Variants in SLC35F1 observed in about 807,000 individuals in gnomAD.
SLC35F1 encodes the protein chromosome 6 open reading frame 169.
Under a neutral mutation model 48.7 loss-of-function variants are expected in SLC35F1, and 14 were observed. The ratio of observed to expected loss-of-function variants is 0.29; its 90% CI spans 0.19 to 0.45. The LOEUF is 0.45. SLC35F1 is among the 20% of genes least tolerant of loss of function. The pLI is 1.00. For synonymous variants in SLC35F1, 190 were observed against 202.2 expected (o/e 0.94, Z 0.51); for missense variants, 404 against 500.0 (o/e 0.81, Z 1.83).
At chr6:118,251,289 G>A (rs1246001322) in intron 3 of SLC35F1, among the ~76,000 whole-genome samples, 1 of 152,054 alleles carries the variant, frequency 6.6e-6, no homozygotes, top group Non-Finnish European at 1.5e-5. Context: ...AATGGCTTCA[G>A]CATTGAGTTT....
chr6:118,207,628 A>T (rs1774952765), intron 2 of SLC35F1, among the ~76,000 whole-genome samples: 1 of 152,176 alleles, frequency 6.6e-6, no homozygotes, highest in Non-Finnish European at 1.5e-5. Flanking sequence ...CAGAAGAGGG[A>T]GGAAAGTTGA....
intron 1 of SLC35F1, among the ~76,000 whole-genome samples, chr6:118,109,955 T>C (rs951543845): frequency 2.6e-5 from 4 of 152,206 alleles, no homozygotes; most frequent in African/African-American, 9.6e-5. Flanking sequence ...GGAGACACTT[T>C]GGAAACACAG....
intron 7 of SLC35F1, among the ~76,000 whole-genome samples, chr6:118,297,758 TA>T (rs1562354929): frequency 7.1e-6 from 1 of 141,676 alleles, no homozygotes; most frequent in East Asian, 2.0e-4. Context: ...ATATATAATA[TA>T]TATATAATAT....
intron 1 of SLC35F1, among the ~76,000 whole-genome samples, chr6:118,047,134 G>T (rs545364989): frequency 2.0e-5 from 3 of 152,250 alleles, no homozygotes; most frequent in African/African-American, 7.2e-5. Context: ...ATGGATAAAA[G>T]AAAACTCTGT....
At chr6:118,223,818 A>G (rs1775181806) in intron 2 of SLC35F1, among the ~76,000 whole-genome samples, 1 of 152,214 alleles carries the variant, frequency 6.6e-6, no homozygotes, top group Non-Finnish European at 1.5e-5. Flanking sequence ...TCAGCCCTCA[A>G]GAGTGCAGGC....
chr6:118,154,626 C>T lies in SLC35F1; in HGVS notation c.349+6C>T. ...CACACTAGCCGTCAGACAAGGTAAG[C>T]TCACAAAAGCACCAGGAATATAACT... On this transcript the variant is annotated splice_donor_region_variant and intron_variant, in intron 2 of 7. Transcript: ENST00000360388. 1 of 1,599,972 alleles carries T rather than the reference C, an allele frequency of 6.3e-7. No homozygotes were observed. The highest frequency in any genetic ancestry group is 8.5e-7 in the Non-Finnish European group (1 of 1,172,832).
In SLC35F1 at chr6:118,247,877, G is replaced by A. The variant is rs144187313; in HGVS notation, c.477+12241G>A. ...TCTTTTGAAATCTCCTTCAGAACCAGTTTTAAGTCATTTAAGTTTCTTTAT... is the reference window on the plus strand; with the variant it reads ...TCTTTTGAAATCTCCTTCAGAACCAATTTTAAGTCATTTAAGTTTCTTTAT... On this transcript the variant is annotated intron_variant, in intron 3 of 7. Transcript: ENST00000360388. Among the ~76,000 whole-genome samples the A allele has an allele frequency of 1.9e-3, 288 of 147,768 alleles. 12 individuals are homozygous for A. The highest frequency in any genetic ancestry group is 7.3e-3 in the African/African-American group (273 of 37,306).
At chr6:118,083,157 A>G (rs967509840) in intron 1 of SLC35F1, among the ~76,000 whole-genome samples, 4 of 152,214 alleles carry the variant, frequency 2.6e-5, no homozygotes, top group African/African-American at 9.6e-5. Flanking sequence ...ATCAAGGAGA[A>G]TAAGTTTCTT....
chr6:118,125,094 T>A (rs1773604888), intron 1 of SLC35F1, among the ~76,000 whole-genome samples: 1 of 152,176 alleles, frequency 6.6e-6, no homozygotes. Flanking sequence ...TCATGTGTCT[T>A]AAAATATGCC....
At chr6:118,181,067 T>C (rs1774570954) in intron 2 of SLC35F1, among the ~76,000 whole-genome samples, 1 of 152,000 alleles carries the variant, frequency 6.6e-6, no homozygotes, top group Non-Finnish European at 1.5e-5. Context: ...AAAATTATCC[T>C]TTAAAAAAGA....
At chr6:118,145,012 A>C (rs1192490120) in intron 1 of SLC35F1, among the ~76,000 whole-genome samples, 1 of 152,036 alleles carries the variant, frequency 6.6e-6, no homozygotes, top group Non-Finnish European at 1.5e-5. Context: ...GTACAATTCA[A>C]TGGTTTTTAG....
intron 1 of SLC35F1, among the ~76,000 whole-genome samples, chr6:118,027,517 A>C (rs1249784613): frequency 1.3e-5 from 2 of 151,946 alleles, no homozygotes; most frequent in Non-Finnish European, 2.9e-5. Flanking sequence ...CTGTAGTTTT[A>C]CTTGCATTTT....
At chr6:118,041,949 A>G (rs576258701) in intron 1 of SLC35F1, among the ~76,000 whole-genome samples, 2 of 152,140 alleles carry the variant, frequency 1.3e-5, no homozygotes, top group African/African-American at 4.8e-5. Flanking sequence ...CTTCTTTAAA[A>G]AAAAAAAGCA....
chr6:117,948,305 T>G (rs558421571), intron 1 of SLC35F1, among the ~76,000 whole-genome samples: 1 of 152,218 alleles, frequency 6.6e-6, no homozygotes. Flanking sequence ...GAACTGGTAC[T>G]GAAAAATTAT....
At chr6:118,289,825 A>G (rs1337721782) in intron 7 of SLC35F1, among the ~76,000 whole-genome samples, 1 of 152,226 alleles carries the variant, frequency 6.6e-6, no homozygotes, top group Non-Finnish European at 1.5e-5. Flanking sequence ...CAGATTATGC[A>G]TCATATATGC....
intron 2 of SLC35F1, among the ~76,000 whole-genome samples, chr6:118,156,667 TAAAA>T (rs201846701): frequency 3.1e-5 from 1 of 32,756 alleles, no homozygotes; most frequent in African/African-American, 1.0e-4. Flanking sequence ...GAAAGTATAA[TAAAA>T]AATAAAATAA....
At chr6:118,037,561 C>T (rs1433587027) in intron 1 of SLC35F1, among the ~76,000 whole-genome samples, 2 of 152,104 alleles carry the variant, frequency 1.3e-5, no homozygotes. Context: ...TATAAAGACA[C>T]ATGCACACGT....
chr6:118,114,395 T>A (rs1191985974), intron 1 of SLC35F1, among the ~76,000 whole-genome samples: 1 of 152,224 alleles, frequency 6.6e-6, no homozygotes, highest in African/African-American at 2.4e-5. Context: ...TGTACTGTGT[T>A]CTTTAGCTTC....
intron 1 of SLC35F1, among the ~76,000 whole-genome samples, chr6:117,998,071 T>A (rs1197808253): frequency 6.8e-6 from 1 of 147,084 alleles, no homozygotes; most frequent in Non-Finnish European, 1.5e-5. Context: ...AATAAAAGGA[T>A]GGAGGAAGAT....
Sources: gnomAD v4.1 joint callset for allele counts (sites outside exome capture counted in the v4.1 genomes callset) on GRCh38, gnomAD v4.1.1 for gene constraint, MANE v1.5 for transcripts, NCBI Gene and HGNC (gene_info 2026-07-23, HGNC 2026-07-21) for gene names.